Variants in GPRIN2 observed in about 807,000 individuals in gnomAD.
GPRIN2 encodes the protein G protein regulated inducer of neurite outgrowth 2, also known as G protein-regulated inducer of neurite outgrowth 2.
GPRIN2 carries 1 observed loss-of-function variant against 0.3 expected under a neutral mutation model. The ratio of observed to expected loss-of-function variants is 3.90; its 90% CI spans 1.39 to 18.51. The LOEUF (loss-of-function observed/expected upper bound fraction) is 18.51. GPRIN2 is among the 30% of genes most tolerant of loss of function. The probability of loss-of-function intolerance (pLI) is 0.11; values close to 1 mark genes in which losing one functional copy is unlikely to be tolerated. For missense variants in GPRIN2, 880 were observed against 604.2 expected, an observed-to-expected ratio of 1.46 and a Z score of -4.79; for synonymous variants, 361 against 258.6, an observed-to-expected ratio of 1.40 and a Z score of -3.80.
rs1832583101 is a variant in GPRIN2 at position 46,549,813 on chromosome 10, A to G, written c.924T>C (p.Ser308=). ...TCATGGTCCACACATCTTTGGTCCT[A>G]GAGCCAGGCTCTGGGACTAACCCAG... ...GPAGLVPEPG[S]RTKDVWTMTS... The change falls in exon 3 of 3, where the codon TCT becomes TCC. Residue 308 remains serine, a synonymous_variant. Coordinates refer to ENST00000374314, the MANE Select transcript of GPRIN2 (RefSeq NM_001385282.1). The G allele has an allele frequency of 1.2e-6, 2 of 1,614,198 alleles. No homozygotes were observed. The highest frequency in any genetic ancestry group is 1.7e-5 in the Admixed American group (1 of 60,038).
rs1832433306 is a variant in GPRIN2 at position 46,550,257 on chromosome 10, A to G, written c.480T>C (p.Gly160=). The change falls in exon 3 of 3, where the codon GGT becomes GGC. Residue 160 remains glycine (G), a synonymous_variant. Coordinates refer to ENST00000374314, the MANE Select transcript of GPRIN2 (RefSeq NM_001385282.1). ...PVHRAQLQPG[G]TSGQGGQAPA... is the part of the protein sequence containing the mutation. The stretch of plus-strand genomic sequence containing the variant: ...GGGCCTGGCCACCCTGGCCAGAAGT[A>G]CCACCTGGCTGCAGCTGAGCCCTGT... The G allele has an allele frequency of 1.2e-6, 2 of 1,610,822 alleles. No individual in the cohort carries two copies. The highest frequency in any genetic ancestry group is 2.2e-5 in the East Asian group (1 of 44,816).
chr10:46,550,887 G>A (rs1842520080), intron 2 of GPRIN2, 145 bp from the exon 3 acceptor site: 3 of 875,550 alleles, frequency 3.4e-6, no homozygotes, highest in Non-Finnish European at 4.9e-6. Context: ...CATATGCAAG[G>A]CAGTGAGTGA....
Position 46,543,768 on chromosome 10 carries a change from A to C in GPRIN2, c.*5592T>G, listed in dbSNP as rs1841922919. Among the ~76,000 whole-genome samples, 1 of 152,306 alleles carries C rather than the reference A, an allele frequency of 6.6e-6. No homozygotes were observed. Among genetic ancestry groups the C allele is most frequent in the African/African-American group, 2.4e-5 (1 of 41,486 alleles). On this transcript the variant is annotated 3_prime_UTR_variant, in exon 3 of 3. Coordinates refer to ENST00000374314, the MANE Select transcript of GPRIN2 (RefSeq NM_001385282.1). ...TGAATTTTAGGATATCCACTTGGGG[A>C]GCTCGTATTTTGGGGCCAGACCTTC...
Position 46,547,217 on chromosome 10 carries a change from G to A in GPRIN2, c.*2143C>T, listed in dbSNP as rs1842242608. Among the ~76,000 whole-genome samples, 1 of 152,304 alleles carries A rather than the reference G, an allele frequency of 6.6e-6. No homozygotes were observed. The highest frequency in any genetic ancestry group is 2.4e-5 in the African/African-American group (1 of 41,486). ...ATTGCACACATGTGTGCCTGTGTAT[G>A]CGTGTGTGTGCACGTGTATGAACCC... is the stretch of plus-strand genomic sequence containing the variant. On this transcript the variant is annotated 3_prime_UTR_variant, in exon 3 of 3. Transcript: ENST00000374314.
upstream of GPRIN2, among the ~76,000 whole-genome samples, chr10:46,556,919 C>A (rs921482226): frequency 6.6e-6 from 1 of 152,300 alleles, no homozygotes; most frequent in Non-Finnish European, 1.5e-5. Flanking sequence ...CCCACTTCCC[C>A]GACGCAACCC....
chr10:46,549,906 C>A lies in GPRIN2; in HGVS notation c.831G>T (p.Lys277Asn). The change falls in exon 3 of 3, where the codon AAG becomes AAT. Residue 277 changes from lysine (K) to asparagine (N), a missense_variant. Physicochemically the swap from Lys to Asn is moderately conservative, Grantham distance 94 (BLOSUM62 0). Coordinates refer to ENST00000374314, the MANE Select transcript of GPRIN2 (RefSeq NM_001385282.1). ...ESGLQAQHGV[K>N]IHCRLSGGLP... is the part of the protein sequence containing the mutation. ...GCCCCCCAGACAACCTACAGTGGAT[C>A]TTCACCCCATGCTGAGCCTGCAGCC... 7 of 1,614,266 alleles carry A rather than the reference C, an allele frequency of 4.3e-6. No individual in the cohort carries two copies. The highest frequency in any genetic ancestry group is 1.1e-5 in the South Asian group (1 of 91,092).
upstream of GPRIN2, among the ~76,000 whole-genome samples, chr10:46,556,809 G>A (rs1588982119): frequency 7.9e-6 from 1 of 126,068 alleles, no homozygotes; most frequent in Non-Finnish European, 1.6e-5. Context: ...CCTCCTTCCC[G>A]ACCCCTCCTC....
rs957527960 is a variant in GPRIN2 at position 46,545,455 on chromosome 10, C to G, written c.*3905G>C. ...TTCTGCCCCTCCCTTAACTTGCTCT[C>G]CCCTCCCTAATAACTCCAGCATCCT... On this transcript the variant is annotated 3_prime_UTR_variant, in exon 3 of 3. Transcript: ENST00000374314. Among the ~76,000 whole-genome samples, 1 of 152,310 alleles carries G rather than the reference C, an allele frequency of 6.6e-6. No individual in the cohort carries two copies. The highest frequency in any genetic ancestry group is 1.5e-5 in the Non-Finnish European group (1 of 68,056).
chr10:46,552,484 G>A (rs915095576), intron 2 of GPRIN2, among the ~76,000 whole-genome samples: 1 of 152,308 alleles, frequency 6.6e-6, no homozygotes, highest in East Asian at 1.9e-4. Context: ...ATTCGGGAAG[G>A]GCTGTGGGAC....
intron 2 of GPRIN2, among the ~76,000 whole-genome samples, chr10:46,553,848 G>A (rs1842876675): frequency 6.6e-6 from 1 of 152,308 alleles, no homozygotes; most frequent in Non-Finnish European, 1.5e-5. Flanking sequence ...GGCCTTCCCA[G>A]CTCAGAAGGA....
upstream of GPRIN2, among the ~76,000 whole-genome samples, chr10:46,557,053 G>T (rs1342975894): frequency 1.9e-3 from 50 of 26,682 alleles, no homozygotes; most frequent in African/African-American, 7.1e-3. Context: ...TTCCCCCTCC[G>T]CACCACGCCC....
Position 46,549,401 on chromosome 10 carries a change from G to T in GPRIN2, c.1336C>A (p.Arg446Ser). The T allele has an allele frequency of 6.6e-7, 1 of 1,514,808 alleles. No individual in the cohort carries two copies. The highest frequency in any genetic ancestry group is 8.8e-7 in the Non-Finnish European group (1 of 1,135,734). 93.8% of individuals were successfully genotyped at this position (1,514,808 alleles called of 1,614,324 possible). A position where few individuals can be genotyped will look rare whatever the true frequency, so the allele number is the denominator to read the frequency against. Residue 446 changes from arginine to serine, a missense_variant, in exon 3 of 3, where the codon CGC becomes AGC. Transcript: ENST00000374314. ...PLRAVMQSLR[R>S]PSCCGCSGAA... ...CCGGAGCAGCCGCAGCAGCTGGGGC[G>T]CCGCAGGGACTGCATGACAGCCCGC... is the stretch of plus-strand genomic sequence containing the variant.
At chr10:46,552,534 A>G (rs1369908762) in intron 2 of GPRIN2, among the ~76,000 whole-genome samples, 4 of 152,310 alleles carry the variant, frequency 2.6e-5, no homozygotes, top group Non-Finnish European at 5.9e-5. Context: ...GCAGCCCAGC[A>G]CTCAGGAGAT....
chr10:46,554,371 G>T (rs1842940481), intron 2 of GPRIN2, among the ~76,000 whole-genome samples: 1 of 152,312 alleles, frequency 6.6e-6, no homozygotes, highest in Non-Finnish European at 1.5e-5. Flanking sequence ...AGGTTTCCCA[G>T]AGCCTATTTT....
At position 46,547,649 on chromosome 10, in the gene GPRIN2, TTCTC is replaced by T. The variant is rs1345576983; in HGVS notation, c.*1707_*1710del. Among the ~76,000 whole-genome samples, 2 of 152,308 alleles carry T rather than the reference TTCTC, an allele frequency of 1.3e-5. No homozygotes were observed. The highest frequency in any genetic ancestry group is 4.8e-5 in the African/African-American group (2 of 41,488). ...CTCCCCATGCACCCACAGCCATTTG[TTCTC>T]TCTCATGTGGCCCTAACAGGCTGGG... On this transcript the variant is annotated 3_prime_UTR_variant, in exon 3 of 3. Coordinates refer to ENST00000374314, the MANE Select transcript of GPRIN2 (RefSeq NM_001385282.1).
intron 2 of GPRIN2, among the ~76,000 whole-genome samples, chr10:46,552,225 T>C (rs1369170731): frequency 6.6e-6 from 1 of 152,312 alleles, no homozygotes; most frequent in African/African-American, 2.4e-5. Flanking sequence ...AAAGAGGCCA[T>C]GTGTCCAGAG....
rs1841986307 is a variant in GPRIN2 at position 46,544,453 on chromosome 10, A to G, written c.*4907T>C. On this transcript the variant is annotated 3_prime_UTR_variant, in exon 3 of 3. Coordinates refer to ENST00000374314, the MANE Select transcript of GPRIN2 (RefSeq NM_001385282.1). ...ATCTTCCCACCTCAACCCCCTGAGT[A>G]GCTGAGGCTACAGATGCACACCACC... is the stretch of plus-strand genomic sequence containing the variant. Among the ~76,000 whole-genome samples, 1 of 152,308 alleles carries G rather than the reference A, an allele frequency of 6.6e-6. No homozygotes were observed. The highest frequency in any genetic ancestry group is 1.5e-5 in the Non-Finnish European group (1 of 68,058).
chr10:46,549,117 A>T lies in GPRIN2; in HGVS notation c.*243T>A. 2.0e-6 allele frequency: 1 copy of T among 494,888 alleles called. No homozygotes were observed. Among genetic ancestry groups the T allele is most frequent in the Non-Finnish European group, 3.5e-6 (1 of 283,998 alleles). The allele number at this position is 494,888 out of a possible 1,614,324, so 30.7% of individuals were successfully genotyped here. A position where few individuals can be genotyped will look rare whatever the true frequency, so the allele number is the denominator to read the frequency against. On this transcript the variant is annotated 3_prime_UTR_variant, in exon 3 of 3. Transcript: ENST00000374314. ...CTGCACAGTGCTAAAGCCCTGTCTC[A>T]AAGTTCAGAGCCCGGAAGGTGCAGA... is the stretch of plus-strand genomic sequence containing the variant.
chr10:46,554,869 G>T (rs1565211584), intron 1 of GPRIN2, among the ~76,000 whole-genome samples, 174 bp from the exon 2 acceptor site: 1 of 152,302 alleles, frequency 6.6e-6, no homozygotes, highest in Non-Finnish European at 1.5e-5. Flanking sequence ...GATATGCCCA[G>T]GGGACTACCA....
Sources: gnomAD v4.1 joint callset for allele counts (sites outside exome capture counted in the v4.1 genomes callset) on GRCh38, gnomAD v4.1.1 for gene constraint, MANE v1.5 for transcripts, NCBI Gene and HGNC (gene_info 2026-07-23, HGNC 2026-07-21) for gene names.